Variants in MARCHF4 observed in about 807,000 individuals in gnomAD.
MARCHF4 encodes the protein E3 ubiquitin-protein ligase MARCHF4.
MARCHF4 carries 14 observed loss-of-function variants against 43.9 expected under a neutral mutation model. The ratio of observed to expected loss-of-function variants is 0.32; its 90% CI spans 0.21 to 0.50. The LOEUF (loss-of-function observed/expected upper bound fraction) is 0.50, where lower values mean the gene tolerates loss of function less well. Among genes scored for constraint, MARCHF4 ranks in the 20% least tolerant of loss-of-function variants. The probability of loss-of-function intolerance (pLI) is 0.98; values close to 1 mark genes in which losing one functional copy is unlikely to be tolerated. For missense variants in MARCHF4, 468 were observed against 536.7 expected (o/e 0.87, Z 1.27); for synonymous variants, 226 against 213.3 (o/e 1.06, Z -0.52).
intron 1 of MARCHF4, among the ~76,000 whole-genome samples, chr2:216,311,395 T>C (rs1472016437): frequency 6.6e-6 from 1 of 152,048 alleles, no homozygotes. Context: ...GTAGCTGGGA[T>C]TACAGTCATG....
chr2:216,318,141 T>C (rs1199539904), intron 1 of MARCHF4: 1 of 152,206 alleles, frequency 6.6e-6, no homozygotes, highest in Non-Finnish European at 1.5e-5. Flanking sequence ...ACTCTCAAGG[T>C]TCTGCAGGTT....
At chr2:216,285,468 A>G (rs62178749) in intron 1 of MARCHF4, among the ~76,000 whole-genome samples, 68 of 152,056 alleles carry the variant, frequency 4.5e-4, no homozygotes, top group Non-Finnish European at 7.6e-4. Context: ...TATCTTATCC[A>G]TCTTTGCAGC....
At chr2:216,266,039 A>G (rs1031138681) in intron 3 of MARCHF4, 4 of 152,262 alleles carry the variant, frequency 2.6e-5, no homozygotes, top group African/African-American at 9.6e-5. Context: ...AATTTTAAAA[A>G]GTAATCTACT....
chr2:216,263,905 T>A (rs1217917852), intron 3 of MARCHF4, among the ~76,000 whole-genome samples: 1 of 152,118 alleles, frequency 6.6e-6, no homozygotes, highest in Non-Finnish European at 1.5e-5. Context: ...AGGAAAGGGA[T>A]GCTGGTGCAG....
At chr2:216,304,136 C>T (rs774917643) in intron 1 of MARCHF4, among the ~76,000 whole-genome samples, 19 of 152,304 alleles carry the variant, frequency 1.2e-4, no homozygotes, top group Admixed American at 2.0e-4. Flanking sequence ...AGGTAGATTT[C>T]TATTGCTCAC....
chr2:216,337,698 T>C (rs1427837447), intron 1 of MARCHF4, among the ~76,000 whole-genome samples: 1 of 152,244 alleles, frequency 6.6e-6, no homozygotes, highest in Non-Finnish European at 1.5e-5. Context: ...TTCCTTGACC[T>C]TCACATCTCT....
Position 216,364,764 on chromosome 2 carries a change from G to A in MARCHF4, c.516+4981C>T, listed in dbSNP as rs945135545. Among the ~76,000 whole-genome samples, 18 of 152,228 alleles carry A rather than the reference G, an allele frequency of 1.2e-4. No individual in the cohort carries two copies. In the Middle Eastern group the frequency reaches 9.5e-3, roughly 80 times the overall value. ...CTCATTAGTACAGGCTAGAGTCAGCGTTGGAAAGAGAATCAGAATGTCCTG... is the reference window on the plus strand; with the variant it reads ...CTCATTAGTACAGGCTAGAGTCAGCATTGGAAAGAGAATCAGAATGTCCTG... On this transcript the variant is annotated intron_variant, in intron 1 of 3. Transcript: ENST00000273067.
At chr2:216,361,415 C>T (rs1018733772) in intron 1 of MARCHF4, among the ~76,000 whole-genome samples, 1 of 152,152 alleles carries the variant, frequency 6.6e-6, no homozygotes, top group Non-Finnish European at 1.5e-5. Flanking sequence ...ATGCAAATCC[C>T]TTGCTGTTAC....
chr2:216,329,130 C>G, intron 1 of MARCHF4, among the ~76,000 whole-genome samples: 1 of 152,222 alleles, frequency 6.6e-6, no homozygotes, highest in East Asian at 1.9e-4. Flanking sequence ...CCTGTAATCC[C>G]AGCACTTTGG....
rs531670962 is a variant in MARCHF4 at position 216,273,778 on chromosome 2, C to G, written c.865+3894G>C. ...CCGCCTTCGTGCAGCAAGAAGACCA[C>G]GCTGAGCCTCCTTCTGGCAGTCCCA... On this transcript the variant is annotated intron_variant, in intron 3 of 3. Transcript: ENST00000273067. Among the ~76,000 whole-genome samples, 18 of 152,356 alleles carry G rather than the reference C, an allele frequency of 1.2e-4. No homozygotes were observed. The South Asian group carries it at 2.5e-3, about 21-fold the overall frequency.
At chr2:216,267,697 C>T (rs1399035867) in intron 3 of MARCHF4, among the ~76,000 whole-genome samples, 2 of 152,318 alleles carry the variant, frequency 1.3e-5, no homozygotes, top group East Asian at 3.9e-4. Flanking sequence ...AATGTATTAG[C>T]TGGCTTGAGC....
intron 1 of MARCHF4, among the ~76,000 whole-genome samples, chr2:216,308,433 A>G (rs945268913): frequency 2.8e-4 from 43 of 152,058 alleles, no homozygotes; most frequent in African/African-American, 9.4e-4. Flanking sequence ...AGTCAGGCAC[A>G]TGGAGCTCTA....
intron 1 of MARCHF4, among the ~76,000 whole-genome samples, chr2:216,312,214 G>C (rs943167389): frequency 6.6e-6 from 1 of 152,138 alleles, no homozygotes; most frequent in Non-Finnish European, 1.5e-5. Context: ...GGAACATGTA[G>C]TTTTCTGTGT....
At chr2:216,324,064 C>T (rs1264860379) in intron 1 of MARCHF4, among the ~76,000 whole-genome samples, 4 of 150,596 alleles carry the variant, frequency 2.7e-5, no homozygotes, top group Non-Finnish European at 5.9e-5. Context: ...TGATAGACCG[C>T]TAGCAAGACT....
At chr2:216,309,097 A>C (rs918488971) in intron 1 of MARCHF4, among the ~76,000 whole-genome samples, 6 of 152,184 alleles carry the variant, frequency 3.9e-5, no homozygotes, top group African/African-American at 1.2e-4. Flanking sequence ...ATAAGCATAA[A>C]AACTGGAGAA....
chr2:216,359,458 A>T (rs1692545867), intron 1 of MARCHF4, among the ~76,000 whole-genome samples: 1 of 152,198 alleles, frequency 6.6e-6, no homozygotes, highest in Non-Finnish European at 1.5e-5. Context: ...GGCTCTCCCT[A>T]CAGGGCAAGT....
intron 1 of MARCHF4, among the ~76,000 whole-genome samples, chr2:216,319,552 A>T (rs13018472): frequency 0.072 from 10,978 of 152,240 alleles, 619 homozygotes; most frequent in Middle Eastern, 0.12. Flanking sequence ...TCTTTACCTC[A>T]TTCTTAGAGT....
intron 1 of MARCHF4, among the ~76,000 whole-genome samples, chr2:216,298,534 G>A (rs1413226738): frequency 6.6e-6 from 1 of 152,136 alleles, no homozygotes; most frequent in African/African-American, 2.4e-5. Context: ...CCAGAGTGCT[G>A]GGATTACAGG....
intron 1 of MARCHF4, among the ~76,000 whole-genome samples, chr2:216,367,730 A>C (rs908061957): frequency 2.6e-5 from 4 of 152,254 alleles, no homozygotes; most frequent in Non-Finnish European, 5.9e-5. Context: ...CCATCAAAAT[A>C]ATGAACAAGA....
Sources: gnomAD v4.1 joint callset for allele counts (sites outside exome capture counted in the v4.1 genomes callset) on GRCh38, gnomAD v4.1.1 for gene constraint, MANE v1.5 for transcripts, NCBI Gene and HGNC (gene_info 2026-07-23, HGNC 2026-07-21) for gene names.